Variants in SCMH1 observed in about 807,000 individuals in gnomAD.
SCMH1 encodes the protein Scm polycomb group protein homolog 1.
SCMH1 carries 37 observed loss-of-function variants against 70.8 expected under a neutral mutation model. The ratio of observed to expected loss-of-function variants is 0.52; its 90% CI spans 0.40 to 0.69. SCMH1 has a LOEUF of 0.69. Ranked by LOEUF, SCMH1 falls within the 30% of genes least tolerant of loss-of-function variation. The pLI, the probability that SCMH1 is intolerant of heterozygous loss-of-function variation, is 0.00. For synonymous variants in SCMH1, 292 were observed against 307.4 expected, an observed-to-expected ratio of 0.95 and a Z score of 0.52; for missense variants, 607 against 827.3, an observed-to-expected ratio of 0.73 and a Z score of 3.27.
rs115731455 is a variant in SCMH1, at chr1:41,198,062, G to A, written c.-117-11812C>T. 9.3e-3 allele frequency among the ~76,000 whole-genome samples: 1,409 copies of A among 152,236 alleles called. 5 individuals carry two copies. Among genetic ancestry groups the A allele is most frequent in the Non-Finnish European group, 0.015 (991 of 68,006 alleles). ...CCTCAATTTCTACATCTTTAAAATG[G>A]AAGTAATAGTGCCTACCCCAAGGTT... On this transcript the variant is annotated intron_variant, in intron 1 of 14. Coordinates refer to ENST00000337495, the Ensembl canonical transcript of SCMH1.
chr1:41,069,529 C>G (rs1256425828), intron 10 of SCMH1, among the ~76,000 whole-genome samples: 1 of 152,052 alleles, frequency 6.6e-6, no homozygotes, highest in South Asian at 2.1e-4. Flanking sequence ...AATCAAAATA[C>G]CTTTTAAAAA....
intron 1 of SCMH1, among the ~76,000 whole-genome samples, chr1:41,236,698 T>C (rs1246467084): frequency 6.6e-6 from 1 of 152,224 alleles, no homozygotes; most frequent in African/African-American, 2.4e-5. Context: ...GCATATGATC[T>C]ACACACATCC....
chr1:41,040,495 G>T (rs574303675), intron 12 of SCMH1, among the ~76,000 whole-genome samples: 2 of 152,276 alleles, frequency 1.3e-5, no homozygotes, highest in Admixed American at 1.3e-4. Flanking sequence ...GAAGATTGGA[G>T]GTAGATTTGC....
chr1:41,214,927 C>A (rs889837348), intron 1 of SCMH1, among the ~76,000 whole-genome samples: 13 of 152,238 alleles, frequency 8.5e-5, no homozygotes, highest in Non-Finnish European at 1.9e-4. Flanking sequence ...AAAATGAAAG[C>A]GCTTCTTCAA....
In SCMH1 at chr1:41,035,498, G is replaced by C. The variant is rs114196815; in HGVS notation, c.1678+1864C>G. Among the ~76,000 whole-genome samples the C allele has an allele frequency of 5.4e-3, 829 of 152,180 alleles. 12 individuals carry two copies. Among genetic ancestry groups the C allele is most frequent in the African/African-American group, 0.019 (797 of 41,502 alleles). On this transcript the variant is annotated intron_variant, in intron 13 of 14. Transcript: ENST00000337495. ...GTCCATTTTTCCCCATCTTCTTTAA[G>C]ACTAGTCCAGTCTATCAGCGCTCCT...
At chr1:41,037,368 A>C (rs1241877085) in exon 13 of SCMH1, 1 of 1,613,884 alleles carries the variant, frequency 6.2e-7, no homozygotes, top group East Asian at 2.2e-5. Flanking sequence ...TTACCCCTGG[A>C]GCATAGCCTG....
intron 4 of SCMH1, among the ~76,000 whole-genome samples, chr1:41,153,432 A>T (rs545214198): frequency 6.6e-6 from 1 of 152,248 alleles, no homozygotes; most frequent in Non-Finnish European, 1.5e-5. Context: ...GTAACTGCTT[A>T]TATTAGCTTA....
chr1:41,174,260 AAT>A (rs1491159153), intron 2 of SCMH1, among the ~76,000 whole-genome samples: 1 of 136,022 alleles, frequency 7.4e-6, no homozygotes, highest in Admixed American at 8.5e-5. Context: ...AAAAGTCTCC[AAT>A]TTTTTTTTTT....
chr1:41,038,671 T>C (rs763920094), intron 12 of SCMH1, among the ~76,000 whole-genome samples: 3 of 152,312 alleles, frequency 2.0e-5, no homozygotes, highest in East Asian at 1.9e-4. Flanking sequence ...AGGAGGCTAA[T>C]TGTTGAAACC....
rs886377903 is a variant in SCMH1 at position 41,093,550 on chromosome 1, A to C, written c.746-18099T>G. On this transcript the variant is annotated intron_variant, in intron 8 of 14. Coordinates refer to ENST00000337495, the Ensembl canonical transcript of SCMH1. ...ATAAAAAAAGTTAATCAAAATGTGA[A>C]AGTTGAAATAATACTAATAAACTTT... Among the ~76,000 whole-genome samples the C allele has an allele frequency of 9.9e-5, 15 of 152,260 alleles. No individual in the cohort carries two copies. The East Asian group carries it at 2.9e-3, about 29-fold the overall frequency.
chr1:41,162,308 G>C (rs1159189146), intron 2 of SCMH1, among the ~76,000 whole-genome samples: 4 of 152,168 alleles, frequency 2.6e-5, no homozygotes, highest in Non-Finnish European at 1.5e-5. Context: ...TGGATGCTAT[G>C]AATGGCAGCA....
intron 1 of SCMH1, among the ~76,000 whole-genome samples, chr1:41,232,151 C>A (rs1261140268): frequency 6.6e-6 from 1 of 152,002 alleles, no homozygotes; most frequent in African/African-American, 2.4e-5. Flanking sequence ...ATATCTGTCA[C>A]CTAAATAGTA....
intron 8 of SCMH1, among the ~76,000 whole-genome samples, chr1:41,081,819 T>TAAAA (rs34212860): frequency 1.3e-5 from 2 of 148,400 alleles, no homozygotes; most frequent in East Asian, 4.0e-4. Flanking sequence ...GACTCTGTCT[T>TAAAA]AAAAAAAAAA....
rs1255091562 is a variant in SCMH1, at chr1:41,042,269, G to A, written c.1498+4138C>T. Among the ~76,000 whole-genome samples, 3 of 150,322 alleles carry A rather than the reference G, an allele frequency of 2.0e-5. No individual in the cohort carries two copies. In the East Asian group the frequency reaches 5.8e-4, roughly 29 times the overall value. ...GCCAGAAGGGGCTTTTTTTTTTTGAGATGGAGTTTCGCTCTGTCATCCAGG... is the reference window on the plus strand; with the variant it reads ...GCCAGAAGGGGCTTTTTTTTTTTGAAATGGAGTTTCGCTCTGTCATCCAGG... On this transcript the variant is annotated intron_variant, in intron 12 of 14. Transcript: ENST00000337495.
intron 2 of SCMH1, among the ~76,000 whole-genome samples, chr1:41,178,475 G>A (rs1407014668): frequency 6.6e-6 from 1 of 152,118 alleles, no homozygotes; most frequent in Non-Finnish European, 1.5e-5. Flanking sequence ...TCAGTGTGCT[G>A]TATTCAGGAG....
chr1:41,043,947 CG>C (rs1262718790), intron 12 of SCMH1: 1 of 151,984 alleles, frequency 6.6e-6, no homozygotes, highest in Non-Finnish European at 1.5e-5. Flanking sequence ...GAGAAACAGA[CG>C]AAGTAAATAC....
chr1:41,098,249 G>A (rs1665625524), intron 8 of SCMH1, among the ~76,000 whole-genome samples: 1 of 152,146 alleles, frequency 6.6e-6, no homozygotes, highest in Non-Finnish European at 1.5e-5. Context: ...ACTTATGAAA[G>A]ACTCACCTTA....
intron 7 of SCMH1, among the ~76,000 whole-genome samples, chr1:41,114,850 T>C (rs1670069070): frequency 6.6e-6 from 1 of 151,956 alleles, no homozygotes; most frequent in Non-Finnish European, 1.5e-5. Context: ...CTAATTTTTG[T>C]TATTTTTTGT....
At chr1:41,177,490 GA>G (rs201111972) in intron 2 of SCMH1, among the ~76,000 whole-genome samples, 3,276 of 152,150 alleles carry the variant, frequency 0.022, 67 homozygotes, top group South Asian at 0.042. Context: ...TAAAAACCTT[GA>G]AAAAAATTAG....
Sources: gnomAD v4.1 joint callset for allele counts (sites outside exome capture counted in the v4.1 genomes callset) on GRCh38, gnomAD v4.1.1 for gene constraint, MANE v1.5 for transcripts, NCBI Gene and HGNC (gene_info 2026-07-23, HGNC 2026-07-21) for gene names.